The following NR3C2 variants were observed in gnomAD, a reference collection of about 807,000 sequenced individuals.
The protein encoded by NR3C2 is nuclear receptor subfamily 3 group C member 2, also known as mineralocorticoid receptor.
In NR3C2, 15 loss-of-function variants were observed where a neutral mutation model predicts 86.4. The observed-to-expected ratio is 0.17, with a 90% confidence interval of 0.12 to 0.27. The LOEUF (loss-of-function observed/expected upper bound fraction) is 0.27, where lower values mean the gene tolerates loss of function less well. NR3C2 is among the 10% of genes least tolerant of loss of function. The probability of loss-of-function intolerance (pLI) is 1.00; values close to 1 mark genes in which losing one functional copy is unlikely to be tolerated. For missense variants in NR3C2, 960 were observed against 1,195.6 expected, an observed-to-expected ratio of 0.80 and a Z score of 2.91; for synonymous variants, 458 against 450.5, an observed-to-expected ratio of 1.02 and a Z score of -0.21.
chr4:148,394,731 G>A (rs1397038091), intron 2 of NR3C2, among the ~76,000 whole-genome samples: 1 of 152,082 alleles, frequency 6.6e-6, no homozygotes, highest in Non-Finnish European at 1.5e-5. Flanking sequence ...TTTGGAACTG[G>A]GTACTACACA....
intron 2 of NR3C2, among the ~76,000 whole-genome samples, chr4:148,402,689 A>G (rs1748229364): frequency 6.6e-6 from 1 of 152,188 alleles, no homozygotes; most frequent in South Asian, 2.1e-4. Context: ...TATCCCTAGT[A>G]CCTATGTAGC....
At chr4:148,364,583 A>C (rs1746013832) in intron 2 of NR3C2, among the ~76,000 whole-genome samples, 1 of 152,232 alleles carries the variant, frequency 6.6e-6, no homozygotes, top group Non-Finnish European at 1.5e-5. Context: ...TTAGGTCCTT[A>C]CAAAGGCAAA....
intron 2 of NR3C2, among the ~76,000 whole-genome samples, chr4:148,411,384 T>C (rs1748695671): frequency 6.6e-6 from 1 of 152,178 alleles, no homozygotes; most frequent in Non-Finnish European, 1.5e-5. Flanking sequence ...CCAAATCCAA[T>C]TCAAATATTT....
intron 3 of NR3C2, among the ~76,000 whole-genome samples, chr4:148,227,730 T>C (rs1287707532): frequency 6.6e-6 from 1 of 152,226 alleles, no homozygotes; most frequent in African/African-American, 2.4e-5. Flanking sequence ...GATTATAATC[T>C]ATTCACCCTC....
At chr4:148,136,066 A>AAC (rs1171853805) in intron 6 of NR3C2, among the ~76,000 whole-genome samples, 80 of 97,644 alleles carry the variant, frequency 8.2e-4, no homozygotes, top group Middle Eastern at 5.5e-3. Context: ...CAAAAAAAAA[A>AAC]AAAAAAAAAA....
At chr4:148,200,895 C>G (rs1736686628) in intron 3 of NR3C2, 1 of 151,848 alleles carries the variant, frequency 6.6e-6, no homozygotes, top group Non-Finnish European at 1.5e-5. Flanking sequence ...ACTTCTAAAT[C>G]AAATGATTCT....
chr4:148,276,864 C>T (rs1286634930), intron 2 of NR3C2, among the ~76,000 whole-genome samples: 7 of 152,130 alleles, frequency 4.6e-5, no homozygotes. Flanking sequence ...AACATGAATA[C>T]CATAACCTAG....
intron 2 of NR3C2, among the ~76,000 whole-genome samples, chr4:148,277,287 T>G (rs1461102549): frequency 6.6e-6 from 1 of 152,214 alleles, no homozygotes; most frequent in Non-Finnish European, 1.5e-5. Context: ...AAGAGGATAT[T>G]CATAAACTAT....
At chr4:148,324,818 G>A (rs889772854) in intron 2 of NR3C2, among the ~76,000 whole-genome samples, 1 of 152,078 alleles carries the variant, frequency 6.6e-6, no homozygotes, top group African/African-American at 2.4e-5. Context: ...TCTCAGAAAA[G>A]CTGGGAATGG....
intron 8 of NR3C2, among the ~76,000 whole-genome samples, chr4:148,096,756 C>T (rs1053552518): frequency 6.6e-5 from 10 of 152,198 alleles, no homozygotes; most frequent in South Asian, 2.1e-4. Context: ...GTTTAGAATG[C>T]GGCCACACTC....
chr4:148,166,719 T>C (rs1444118877), intron 4 of NR3C2, among the ~76,000 whole-genome samples: 1 of 151,786 alleles, frequency 6.6e-6, no homozygotes, highest in Non-Finnish European at 1.5e-5. Flanking sequence ...CGTTAAAGGT[T>C]TTTTATTTTT....
At chr4:148,277,211 G>T (rs533505984) in intron 2 of NR3C2, among the ~76,000 whole-genome samples, 5 of 152,220 alleles carry the variant, frequency 3.3e-5, no homozygotes, top group African/African-American at 4.8e-5. Context: ...ATAAATAAAA[G>T]CTTAAATTTC....
chr4:148,296,309 A>T lies in NR3C2; in HGVS notation c.1758-36192T>A, dbSNP rs576910872. 9.9e-5 allele frequency among the ~76,000 whole-genome samples: 15 copies of T among 152,276 alleles called. No homozygotes were observed. The South Asian group carries it at 1.2e-3, about 13-fold the overall frequency. ...ACCACATTTCTGGGAATTGACCCAA[A>T]AAAAGCAGTAGTCACAATTATTCTT... On this transcript the variant is annotated intron_variant, in intron 2 of 8. Transcript: ENST00000358102.
chr4:148,079,383 T>TGAAA lies in NR3C2; in HGVS notation c.*1957_*1960dup, dbSNP rs1240546809. ...CCCCTTGCATAAGGCAGGTGTCTTT[T>TGAAA]GAAAGACAAGGTAATGTTGCCTGCA... On this transcript the variant is annotated 3_prime_UTR_variant, in exon 9 of 9. Transcript: ENST00000358102. 1.3e-5 allele frequency: 2 copies of TGAAA among 152,264 alleles called. No individual in the cohort carries two copies. Among genetic ancestry groups the TGAAA allele is most frequent in the African/African-American group, 4.8e-5 (2 of 41,460 alleles). 9.4% of individuals were successfully genotyped at this position (152,264 alleles called of 1,614,324 possible). A position where few individuals can be genotyped will look rare whatever the true frequency, so the allele number is the denominator to read the frequency against.
intron 2 of NR3C2, among the ~76,000 whole-genome samples, chr4:148,262,676 G>C (rs1017198437): frequency 2.6e-5 from 4 of 152,090 alleles, no homozygotes; most frequent in Non-Finnish European, 5.9e-5. Flanking sequence ...TTAAGATGAG[G>C]TCATACTGGA....
At chr4:148,326,295 G>A (rs1743967502) in intron 2 of NR3C2, among the ~76,000 whole-genome samples, 1 of 151,762 alleles carries the variant, frequency 6.6e-6, no homozygotes, top group Non-Finnish European at 1.5e-5. Context: ...CAGCTACTCA[G>A]GAGGCTGAGG....
At chr4:148,096,824 TAG>T (rs1360305971) in intron 8 of NR3C2, among the ~76,000 whole-genome samples, 1 of 152,204 alleles carries the variant, frequency 6.6e-6, no homozygotes, top group African/African-American at 2.4e-5. Flanking sequence ...CACAGCTGAG[TAG>T]CTGTAACCAA....
chr4:148,138,382 C>G (rs1733450775), intron 6 of NR3C2, among the ~76,000 whole-genome samples: 1 of 152,018 alleles, frequency 6.6e-6, no homozygotes, highest in South Asian at 2.1e-4. Flanking sequence ...GTATGTCTCT[C>G]TCACCTATTT....
chr4:148,284,566 C>T (rs1741421898), intron 2 of NR3C2, among the ~76,000 whole-genome samples: 1 of 152,104 alleles, frequency 6.6e-6, no homozygotes. Context: ...ATTCAAGTTA[C>T]TATAAAAACT....
Sources: gnomAD v4.1 joint callset for allele counts (sites outside exome capture counted in the v4.1 genomes callset) on GRCh38, gnomAD v4.1.1 for gene constraint, MANE v1.5 for transcripts, NCBI Gene and HGNC (gene_info 2026-07-23, HGNC 2026-07-21) for gene names.